The following SLC30A9 variants were observed in gnomAD, a reference collection of about 807,000 sequenced individuals.
The protein encoded by SLC30A9 is solute carrier family 30 member 9.
SLC30A9 carries 58 observed loss-of-function variants against 87.5 expected under a neutral mutation model. That is an observed-to-expected ratio of 0.66 (90% CI 0.54 to 0.82). The LOEUF (loss-of-function observed/expected upper bound fraction) is 0.82. SLC30A9 is among the 40% of genes least tolerant of loss of function. The pLI, the probability that SLC30A9 is intolerant of heterozygous loss-of-function variation, is 0.00. For synonymous variants in SLC30A9, 234 were observed against 233.0 expected (o/e 1.00, Z -0.04); for missense variants, 557 against 679.1 (o/e 0.82, Z 2.00).
intron 8 of SLC30A9, among the ~76,000 whole-genome samples, chr4:42,040,641 C>G (rs1670871667): frequency 6.6e-6 from 1 of 151,654 alleles, no homozygotes; most frequent in Non-Finnish European, 1.5e-5. Context: ...ACTAAAAATA[C>G]AAAAATTAGC....
chr4:42,003,009 CATG>C (rs1377915420), intron 2 of SLC30A9, among the ~76,000 whole-genome samples: 5 of 152,064 alleles, frequency 3.3e-5, no homozygotes, highest in Non-Finnish European at 7.4e-5. Flanking sequence ...ACATTTAAGC[CATG>C]ATAACACATC....
chr4:42,072,746 G>T (rs1345175348), intron 15 of SLC30A9, among the ~76,000 whole-genome samples: 1 of 148,878 alleles, frequency 6.7e-6, no homozygotes, highest in Admixed American at 6.7e-5. Context: ...GTAGATGTTT[G>T]TTAGGTTTAA....
chr4:42,060,221 G>A lies in SLC30A9; in HGVS notation c.871G>A (p.Val291Ile). Reference protein sequence around the residue: ...GLLALGISKSVQTPDPSHPYG... With the variant: ...GLLALGISKSIQTPDPSHPYG... ...ACTAGCATTGGGCATCAGTAAGTCT[G>A]TTCAAACACCAGATCCTTCTCATCC... Residue 291 changes from valine (V) to isoleucine (I), a missense_variant, in exon 10 of 18, where the codon GTT becomes ATT. This residue lies in a region of SLC30A9 where 467 missense variants were observed against 529.8 expected (regional missense o/e 0.88). Coordinates refer to ENST00000264451, the MANE Select transcript of SLC30A9 (RefSeq NM_006345.4). 2 of 1,612,648 alleles carry A rather than the reference G, an allele frequency of 1.2e-6. No individual in the cohort carries two copies. The highest frequency in any genetic ancestry group is 1.3e-5 in the African/African-American group (1 of 74,962).
chr4:42,067,761 C>T (rs1262207700), intron 14 of SLC30A9, among the ~76,000 whole-genome samples: 1 of 152,176 alleles, frequency 6.6e-6, no homozygotes, highest in Non-Finnish European at 1.5e-5. Flanking sequence ...CAATGCCGTA[C>T]ATGGTCAGTG....
intron 9 of SLC30A9, 51 bp from the exon 10 acceptor site, chr4:42,060,140 T>C: frequency 7.1e-7 from 1 of 1,402,628 alleles, no homozygotes; most frequent in East Asian, 2.3e-5. Flanking sequence ...TACCATATTA[T>C]ACTCTCCATC....
At chr4:42,056,774 A>T (rs767350400) in intron 9 of SLC30A9, among the ~76,000 whole-genome samples, 5 of 152,210 alleles carry the variant, frequency 3.3e-5, no homozygotes, top group Non-Finnish European at 5.9e-5. Context: ...ATGAACCTGT[A>T]AAATCAAAAG....
chr4:42,009,805 T>C (rs1577682382), intron 2 of SLC30A9, among the ~76,000 whole-genome samples: 1 of 152,214 alleles, frequency 6.6e-6, no homozygotes, highest in Non-Finnish European at 1.5e-5. Context: ...ATGTTGAGCA[T>C]TGTAGAAACT....
intron 6 of SLC30A9, chr4:42,030,013 C>T: frequency 2.3e-6 from 2 of 878,534 alleles, no homozygotes; most frequent in Non-Finnish European, 1.8e-6. Flanking sequence ...ACCAACCTTA[C>T]CATGGACACT....
At chr4:41,994,765 G>A (rs987311787) in intron 1 of SLC30A9, among the ~76,000 whole-genome samples, 5 of 147,144 alleles carry the variant, frequency 3.4e-5, no homozygotes, top group African/African-American at 1.0e-4. Flanking sequence ...GTGGGCGCCT[G>A]TAATGACAGC....
At chr4:42,076,943 CAG>C (rs1316673489) in intron 16 of SLC30A9, among the ~76,000 whole-genome samples, 2 of 132,912 alleles carry the variant, frequency 1.5e-5, no homozygotes, top group Non-Finnish European at 3.1e-5. Context: ...GCCTGGGCGA[CAG>C]AGCGAGACTC....
chr4:42,015,476 G>A (rs1715679918), intron 2 of SLC30A9, among the ~76,000 whole-genome samples: 1 of 152,174 alleles, frequency 6.6e-6, no homozygotes. Flanking sequence ...AGACTTAGTG[G>A]TGTTCCATAT....
intron 1 of SLC30A9, 22 bp from the exon 2 acceptor site, chr4:42,001,594 G>GTA: frequency 6.7e-7 from 1 of 1,503,176 alleles, no homozygotes. Context: ...TGAAATTAAA[G>GTA]TATATATATT....
rs568699323 is a variant in SLC30A9, at chr4:42,042,696, G to A, written c.737+3643G>A. ...GTCTGCTGGCTCTGAAGAGAGCAGC[G>A]GATCTCCCAGCACAGCGCTCGAGGT... On this transcript the variant is annotated intron_variant, in intron 8 of 17. Coordinates refer to ENST00000264451, the MANE Select transcript of SLC30A9 (RefSeq NM_006345.4). Among the ~76,000 whole-genome samples the A allele has an allele frequency of 2.6e-4, 40 of 152,254 alleles. 1 individual carries two copies. The highest frequency in any genetic ancestry group is 1.8e-3 in the Admixed American group (27 of 15,292).
rs570344764 is a variant in SLC30A9 at position 42,042,795 on chromosome 4, C to G, written c.737+3742C>G. ...CTCCTGATGGGGAGATACCTCCCAG[C>G]AGGGATCAACAGACACCTCATACAG... On this transcript the variant is annotated intron_variant, in intron 8 of 17. Coordinates refer to ENST00000264451, the MANE Select transcript of SLC30A9 (RefSeq NM_006345.4). Among the ~76,000 whole-genome samples, 14 of 152,284 alleles carry G rather than the reference C, an allele frequency of 9.2e-5. No homozygotes were observed. The South Asian group carries it at 2.7e-3, about 29-fold the overall frequency.
At chr4:42,023,039 T>C in intron 5 of SLC30A9, 109 bp downstream of exon 5, 1 of 615,690 alleles carries the variant, frequency 1.6e-6, no homozygotes, top group South Asian at 2.6e-5. Context: ...AAAACAATAT[T>C]TTTGTATTTG....
chr4:42,038,587 A>T (rs1716785507), intron 7 of SLC30A9, among the ~76,000 whole-genome samples: 1 of 152,210 alleles, frequency 6.6e-6, no homozygotes, highest in South Asian at 2.1e-4. Context: ...TCACATGGAC[A>T]AGGTTTATCC....
intron 15 of SLC30A9, among the ~76,000 whole-genome samples, chr4:42,072,343 T>C (rs1718345487): frequency 6.6e-6 from 1 of 152,068 alleles, no homozygotes; most frequent in African/African-American, 2.4e-5. Flanking sequence ...TCCACTGTCT[T>C]AAGGTTAAGC....
chr4:42,055,231 A>G (rs1370151510), intron 9 of SLC30A9, among the ~76,000 whole-genome samples: 1 of 152,222 alleles, frequency 6.6e-6, no homozygotes. Context: ...ATTGTATTTC[A>G]GAAAGTTGTT....
At position 42,062,923 on chromosome 4, in the gene SLC30A9, C is replaced by T. The variant is rs1560556295; in HGVS notation, c.897-63C>T. On this transcript the variant is annotated intron_variant, in intron 10 of 17. Transcript: ENST00000264451. ...TAGTCTTTTTCATTGACCTATTAAGCACATATATTTTAAAAGAAACCATTT... is the reference window on the plus strand; with the variant it reads ...TAGTCTTTTTCATTGACCTATTAAGTACATATATTTTAAAAGAAACCATTT... 5.0e-6 allele frequency: 7 copies of T among 1,393,234 alleles called. No individual in the cohort carries two copies. The East Asian group carries it at 1.6e-4, about 32-fold the overall frequency. 86.3% of individuals were successfully genotyped at this position (1,393,234 alleles called of 1,614,324 possible). A position where few individuals can be genotyped will look rare whatever the true frequency, so the allele number is the denominator to read the frequency against.
Sources: gnomAD v4.1 joint callset for allele counts (sites outside exome capture counted in the v4.1 genomes callset) on GRCh38, gnomAD v4.1.1 for gene constraint, gnomAD v4.1.1 regional missense constraint, MANE v1.5 for transcripts, NCBI Gene and HGNC (gene_info 2026-07-23, HGNC 2026-07-21) for gene names.